The following KCNQ2 variants were observed in gnomAD, a reference collection of about 807,000 sequenced individuals.
KCNQ2 encodes the protein potassium voltage-gated channel subfamily Q member 2.
KCNQ2 carries 14 observed loss-of-function variants against 84.8 expected under a neutral mutation model. The observed-to-expected ratio is 0.17, with a 90% CI of 0.11 to 0.26. The LOEUF (loss-of-function observed/expected upper bound fraction) is 0.26. KCNQ2 is among the 10% of genes least tolerant of loss of function. The pLI, the probability that KCNQ2 is intolerant of heterozygous loss-of-function variation, is 1.00. For missense variants in KCNQ2, 788 were observed against 1,254.0 expected (o/e 0.63, Z 5.61); for synonymous variants, 599 against 554.1 (o/e 1.08, Z -1.14).
At chr20:63,429,250 A>G (rs1450237782) in intron 9 of KCNQ2, among the ~76,000 whole-genome samples, 1 of 128,896 alleles carries the variant, frequency 7.8e-6, no homozygotes, top group Non-Finnish European at 1.7e-5. Context: ...AGGAAGAGAC[A>G]CCCTCCTCTG....
rs1014733571 is a variant in KCNQ2, at chr20:63,414,527, G to A, written c.1526-334C>T. Among the ~76,000 whole-genome samples the A allele has an allele frequency of 2.6e-5, 4 of 152,116 alleles. No individual in the cohort carries two copies. The highest frequency in any genetic ancestry group is 4.4e-5 in the Non-Finnish European group (3 of 68,024). On this transcript the variant is annotated intron_variant, in intron 13 of 16. Coordinates refer to ENST00000359125, the MANE Select transcript of KCNQ2 (RefSeq NM_172107.4). This position sits in a 1 kb window ranked among gnomAD's most constrained non-coding sequence, Gnocchi z 6.6. ...TGACATCTGAGGCTCAGTGAAGGAA[G>A]CCAGACCCAACGGCCCCACGTGGGA...
chr20:63,454,750 C>A (rs1045764439), intron 1 of KCNQ2, among the ~76,000 whole-genome samples: 1 of 152,222 alleles, frequency 6.6e-6, no homozygotes, highest in African/African-American at 2.4e-5. Context: ...CGGCAGGAGA[C>A]CCCTGATGGC....
At chr20:63,457,100 G>A (rs968331116) in intron 1 of KCNQ2, among the ~76,000 whole-genome samples, 2 of 152,268 alleles carry the variant, frequency 1.3e-5, no homozygotes, top group East Asian at 1.9e-4. Flanking sequence ...AGTGACGGGC[G>A]CGGGCGCCGC....
rs1239306500 is a variant in KCNQ2 at position 63,460,440 on chromosome 20, C to T, written c.296+11728G>A. ...TGGCACTCCTGACCGAGGCTCCCAG[C>T]AGGCCTTCCCCCCCACAGCCCCCTG... On this transcript the variant is annotated intron_variant, in intron 1 of 16. Coordinates refer to ENST00000359125, the MANE Select transcript of KCNQ2 (RefSeq NM_172107.4). The surrounding 1 kb of genome is among the most constrained non-coding windows in gnomAD (Gnocchi z 5.4). Among the ~76,000 whole-genome samples the T allele has an allele frequency of 6.6e-6, 1 of 152,134 alleles. No homozygotes were observed. Among genetic ancestry groups the T allele is most frequent in the Non-Finnish European group, 1.5e-5 (1 of 68,018 alleles).
intron 1 of KCNQ2, among the ~76,000 whole-genome samples, chr20:63,451,309 T>C (rs1405006049): frequency 6.6e-6 from 1 of 152,112 alleles, no homozygotes; most frequent in Non-Finnish European, 1.5e-5. Flanking sequence ...TGGGCTGGTA[T>C]TAACCCTCTG....
chr20:63,444,596 G>C lies in KCNQ2; in HGVS notation c.690+63C>G, dbSNP rs572994700. 127 of 1,377,768 alleles carry C rather than the reference G, an allele frequency of 9.2e-5. 1 individual carries two copies. The South Asian group carries it at 1.8e-3, about 20-fold the overall frequency. 85.3% of individuals were successfully genotyped at this position (1,377,768 alleles called of 1,614,324 possible). A position where few individuals can be genotyped will look rare whatever the true frequency, so the allele number is the denominator to read the frequency against. On this transcript the variant is annotated intron_variant, in intron 4 of 16. Transcript: ENST00000359125. ...CAAACCCCAGGCAGGGGTGGGGCCC[G>C]GTCTGGGCCAGGACTCTCGCTGGCT...
chr20:63,421,915 C>T (rs1451599368), intron 11 of KCNQ2, among the ~76,000 whole-genome samples: 1 of 152,184 alleles, frequency 6.6e-6, no homozygotes, highest in Non-Finnish European at 1.5e-5. Flanking sequence ...GACTCCAGCA[C>T]AGCCCCAGTG....
rs1396794770 is a variant in KCNQ2, at chr20:63,406,462, C to T, written c.*182G>A. 4 of 755,752 alleles carry T rather than the reference C, an allele frequency of 5.3e-6. No homozygotes were observed. The highest frequency in any genetic ancestry group is 1.8e-5 in the African/African-American group (1 of 56,698). The allele number at this position is 755,752 out of a possible 1,614,324, so 46.8% of individuals were successfully genotyped here. ...CCCTCCAGCCCCTGTTGGAAAATAACTTTTGTAAAAGGTCACTGCCAGGAG... is the reference window on the plus strand; with the variant it reads ...CCCTCCAGCCCCTGTTGGAAAATAATTTTTGTAAAAGGTCACTGCCAGGAG... On this transcript the variant is annotated 3_prime_UTR_variant, in exon 17 of 17. Coordinates refer to ENST00000359125, the MANE Select transcript of KCNQ2 (RefSeq NM_172107.4).
chr20:63,452,331 G>A lies in KCNQ2; in HGVS notation c.297-5494C>T, dbSNP rs562871829. On this transcript the variant is annotated intron_variant, in intron 1 of 16. Transcript: ENST00000359125. ...CCTGCCTCTGAGCTGAGGGCAGCAGGCTGGAAACTCAGCACGACTTCCATG... is the reference window on the plus strand; with the variant it reads ...CCTGCCTCTGAGCTGAGGGCAGCAGACTGGAAACTCAGCACGACTTCCATG... Among the ~76,000 whole-genome samples the A allele has an allele frequency of 4.6e-5, 7 of 152,358 alleles. No individual in the cohort carries two copies. In the South Asian group the frequency reaches 1.5e-3, roughly 32 times the overall value.
chr20:63,456,066 CT>C (rs573379442), intron 1 of KCNQ2, among the ~76,000 whole-genome samples: 3 of 74,534 alleles, frequency 4.0e-5, no homozygotes, highest in Non-Finnish European at 8.3e-5. Context: ...GGCCCCTCTG[CT>C]TCACGGGCCC....
At chr20:63,413,975 ACT>A (rs2080204968) in intron 14 of KCNQ2, 111 bp downstream of exon 14, 2 of 795,450 alleles carry the variant, frequency 2.5e-6, no homozygotes, top group Admixed American at 2.0e-5. Flanking sequence ...TTCCCAGTAG[ACT>A]CTGTCTCTGG....
In KCNQ2 at chr20:63,408,131, A is replaced by T. The variant is rs1328760157; in HGVS notation, c.1887+282T>A. On this transcript the variant is annotated intron_variant, in intron 16 of 16. Transcript: ENST00000359125. The surrounding 1 kb of genome is among the most constrained non-coding windows in gnomAD (Gnocchi z 5.0). Reference sequence around the variant, plus strand: ...CAACTTCCGGCACGTTCCACAAGGAACCCCTGAGGGATCCACCTCTCAGCA... The same window carrying T: ...CAACTTCCGGCACGTTCCACAAGGATCCCCTGAGGGATCCACCTCTCAGCA... 2.2e-6 allele frequency: 1 copy of T among 457,722 alleles called. No homozygotes were observed. Among genetic ancestry groups the T allele is most frequent in the East Asian group, 4.2e-5 (1 of 24,060 alleles). The allele number at this position is 457,722 out of a possible 1,614,324, so 28.4% of individuals were successfully genotyped here.
intron 8 of KCNQ2, chr20:63,433,481 C>G (rs1165574517): frequency 1.1e-5 from 6 of 547,574 alleles, no homozygotes; most frequent in Non-Finnish European, 1.9e-5. Flanking sequence ...CGGGGAGCAG[C>G]TGTCGGTCCA....
In KCNQ2 at chr20:63,433,952, C is replaced by T. The variant is rs1600732941; in HGVS notation, c.1024-49G>A. The T allele has an allele frequency of 7.0e-6, 11 of 1,566,106 alleles. No homozygotes were observed. In the African/African-American group the frequency reaches 9.5e-5, roughly 13 times the overall value. ...TTGGCGAGGGGCAGGCGGCGAGGGG[C>T]GCGCCCAGGAGGGCCGGGCGTGGAG... is the stretch of plus-strand genomic sequence containing the variant. On this transcript the variant is annotated intron_variant, in intron 7 of 16. Coordinates refer to ENST00000359125, the MANE Select transcript of KCNQ2 (RefSeq NM_172107.4).
At chr20:63,442,740 CCAT>C (rs2081221251) in intron 4 of KCNQ2, among the ~76,000 whole-genome samples, 1 of 97,898 alleles carries the variant, frequency 1.0e-5, no homozygotes, top group Non-Finnish European at 2.1e-5. Flanking sequence ...ACCACCTCCA[CCAT>C]CACCACCATC....
intron 10 of KCNQ2, 125 bp downstream of exon 10, chr20:63,428,242 C>A: frequency 2.8e-6 from 2 of 719,908 alleles, no homozygotes; most frequent in South Asian, 1.6e-5. Flanking sequence ...CCAAGTCCAG[C>A]GTCCCCGCGC....
intron 7 of KCNQ2, among the ~76,000 whole-genome samples, chr20:63,436,530 CAAA>C (rs1275574529): frequency 9.0e-6 from 1 of 110,538 alleles, no homozygotes; most frequent in Admixed American, 1.0e-4. Flanking sequence ...GACTCCGTCT[CAAA>C]AAAAAAAAAA....
intron 1 of KCNQ2, among the ~76,000 whole-genome samples, chr20:63,450,306 A>G (rs919719213): frequency 6.6e-6 from 1 of 150,856 alleles, no homozygotes; most frequent in East Asian, 2.0e-4. Context: ...GGGCGGCCGC[A>G]GAGGCCCAGC....
In KCNQ2 at chr20:63,403,554, G is replaced by C. The variant is rs947957785; in HGVS notation, c.*3090C>G. 6.6e-6 allele frequency: 1 copy of C among 152,334 alleles called. No homozygotes were observed. The highest frequency in any genetic ancestry group is 1.5e-5 in the Non-Finnish European group (1 of 68,130). 9.4% of individuals were successfully genotyped at this position (152,334 alleles called of 1,614,324 possible). Reference sequence around the variant, plus strand: ...GTGCACTTGTGTATGTGTATACTGTGTGTGAGCTACACGTGTGTGCATGTG... The same window carrying C: ...GTGCACTTGTGTATGTGTATACTGTCTGTGAGCTACACGTGTGTGCATGTG... On this transcript the variant is annotated 3_prime_UTR_variant, in exon 17 of 17. Transcript: ENST00000359125.
Sources: allele counts gnomAD v4.1 joint callset (sites outside exome capture counted in the v4.1 genomes callset), GRCh38; gene constraint gnomAD v4.1.1; non-coding constraint Gnocchi (gnomAD v3.1); transcripts MANE v1.5; gene names NCBI Gene and HGNC (gene_info 2026-07-23, HGNC 2026-07-21).